DCC: variants seen among roughly 807,000 people sequenced by gnomAD.
The protein encoded by DCC is DCC netrin 1 receptor, also known as netrin receptor DCC.
In DCC, 58 loss-of-function variants were observed where a neutral mutation model predicts 172.5. The observed-to-expected ratio is 0.34, with a 90% CI of 0.27 to 0.42. DCC has a LOEUF of 0.42. Among genes scored for constraint, DCC ranks in the 10% least tolerant of loss-of-function variants. The pLI, the probability that DCC is intolerant of heterozygous loss-of-function variation, is 1.00. For synonymous variants in DCC, 709 were observed against 644.5 expected (o/e 1.10, Z -1.52); for missense variants, 1,740 against 1,791.0 (o/e 0.97, Z 0.51).
intron 2 of DCC, among the ~76,000 whole-genome samples, chr18:52,865,108 T>A (rs4940219): frequency 9.2e-5 from 14 of 152,078 alleles, no homozygotes; most frequent in South Asian, 4.2e-4. Flanking sequence ...CTCGTGATCC[T>A]CCCGCCTTGG....
chr18:53,505,372 A>G (rs534710292), intron 27 of DCC: 2 of 152,296 alleles, frequency 1.3e-5, no homozygotes, highest in Non-Finnish European at 2.9e-5. Flanking sequence ...AGTATATAAG[A>G]GTTTAAGGCA....
chr18:52,693,099 T>G (rs2145016208), intron 1 of DCC, among the ~76,000 whole-genome samples: 1 of 152,078 alleles, frequency 6.6e-6, no homozygotes, highest in Non-Finnish European at 1.5e-5. Flanking sequence ...GTCAGATTTC[T>G]TAACGTTAGG....
In DCC at chr18:53,046,668, A is replaced by T. The variant is rs116623540; in HGVS notation, c.986-16637A>T. ...CTACAGTAACACTTGAAGGAATTCC[A>T]CATAACTTGAAAACACAGATTACAG... On this transcript the variant is annotated intron_variant, in intron 5 of 28. Transcript: ENST00000442544. Among the ~76,000 whole-genome samples, 230 of 152,122 alleles carry T rather than the reference A, an allele frequency of 1.5e-3. 2 individuals are homozygous for T. Among genetic ancestry groups the T allele is most frequent in the African/African-American group, 4.9e-3 (202 of 41,566 alleles).
At chr18:52,803,885 C>T (rs963279999) in intron 2 of DCC, among the ~76,000 whole-genome samples, 16 of 152,236 alleles carry the variant, frequency 1.1e-4, no homozygotes, top group Middle Eastern at 6.8e-3. Flanking sequence ...CAAAACAACA[C>T]GATGAAATAG....
chr18:53,411,710 C>T (rs1314371762), intron 20 of DCC, among the ~76,000 whole-genome samples: 1 of 152,102 alleles, frequency 6.6e-6, no homozygotes, highest in African/African-American at 2.4e-5. Context: ...GCCAACAACA[C>T]ACAAGCAAGC....
intron 2 of DCC, among the ~76,000 whole-genome samples, chr18:52,883,354 GT>G (rs1568166720): frequency 2.6e-4 from 8 of 30,910 alleles, no homozygotes; most frequent in Non-Finnish European, 5.3e-4. Context: ...TTATTTATGT[GT>G]GTGTGTGTGT....
At chr18:53,090,698 C>CAACAAAA (rs2042990907) in intron 7 of DCC, among the ~76,000 whole-genome samples, 1 of 39,356 alleles carries the variant, frequency 2.5e-5, no homozygotes, top group Non-Finnish European at 5.5e-5. Flanking sequence ...CGTCCCCCAA[C>CAACAAAA]AAAAAAAAAA....
At chr18:52,956,457 C>A (rs1196262520) in intron 5 of DCC, among the ~76,000 whole-genome samples, 1 of 151,970 alleles carries the variant, frequency 6.6e-6, no homozygotes, top group African/African-American at 2.4e-5. Flanking sequence ...TTTACCAATA[C>A]CATACTGTCT....
intron 7 of DCC, among the ~76,000 whole-genome samples, chr18:53,118,567 A>G (rs1397510138): frequency 1.3e-5 from 2 of 151,774 alleles, no homozygotes; most frequent in Admixed American, 1.3e-4. Flanking sequence ...GGAATTACTA[A>G]TTCTGAGTAT....
chr18:53,459,177 A>G lies in DCC; in HGVS notation c.3393-55A>G. Reference sequence around the variant, plus strand: ...TAACTTGAATTGACTGATGAAAGAAAGGAAGTGCCATTGAATAGAGGTTCT... The same window carrying G: ...TAACTTGAATTGACTGATGAAAGAAGGGAAGTGCCATTGAATAGAGGTTCT... On this transcript the variant is annotated intron_variant, in intron 23 of 28. Transcript: ENST00000442544. 7 of 1,332,866 alleles carry G rather than the reference A, an allele frequency of 5.3e-6. No individual in the cohort carries two copies. In the South Asian group the frequency reaches 7.0e-5, roughly 13 times the overall value. 82.6% of individuals were successfully genotyped at this position (1,332,866 alleles called of 1,614,324 possible).
intron 2 of DCC, among the ~76,000 whole-genome samples, chr18:52,818,940 A>G (rs2038353918): frequency 6.6e-6 from 1 of 152,128 alleles, no homozygotes; most frequent in African/African-American, 2.4e-5. Context: ...AATTTTTTGT[A>G]TTTTTCTAAG....
At chr18:52,510,830 A>G (rs1454460824) in intron 1 of DCC, among the ~76,000 whole-genome samples, 1 of 152,110 alleles carries the variant, frequency 6.6e-6, no homozygotes, top group African/African-American at 2.4e-5. Context: ...ATAATCACCT[A>G]TTGTATGTTT....
At chr18:52,826,242 C>G (rs1474355057) in intron 2 of DCC, among the ~76,000 whole-genome samples, 1 of 152,080 alleles carries the variant, frequency 6.6e-6, no homozygotes, top group South Asian at 2.1e-4. Flanking sequence ...TATTTTTCTG[C>G]CCAAAGGATT....
chr18:53,214,201 C>T (rs1322998943), intron 11 of DCC, among the ~76,000 whole-genome samples: 1 of 151,792 alleles, frequency 6.6e-6, no homozygotes, highest in Non-Finnish European at 1.5e-5. Flanking sequence ...GAAAAACAAG[C>T]AGATGAGCAT....
chr18:52,451,524 C>A (rs1365885377), intron 1 of DCC, among the ~76,000 whole-genome samples: 1 of 152,094 alleles, frequency 6.6e-6, no homozygotes, highest in Non-Finnish European at 1.5e-5. Context: ...TGGCCTCAGG[C>A]AATCGGAAAA....
chr18:52,553,956 G>T (rs920662847), intron 1 of DCC, among the ~76,000 whole-genome samples: 4 of 152,084 alleles, frequency 2.6e-5, no homozygotes, highest in African/African-American at 9.7e-5. Context: ...AGGAAATAAT[G>T]CTAGGTTCAA....
intron 9 of DCC, among the ~76,000 whole-genome samples, chr18:53,180,711 T>A (rs900718278): frequency 1.3e-5 from 2 of 152,220 alleles, no homozygotes; most frequent in Non-Finnish European, 2.9e-5. Flanking sequence ...TTGCCCAGAC[T>A]GGAGTGCAGT....
At chr18:52,783,757 G>C (rs929048134) in intron 2 of DCC, among the ~76,000 whole-genome samples, 2 of 151,870 alleles carry the variant, frequency 1.3e-5, no homozygotes, top group African/African-American at 2.4e-5. Context: ...GTAAATACAA[G>C]TAGGTACAAG....
At chr18:52,898,279 G>C (rs1267007418) in intron 2 of DCC, among the ~76,000 whole-genome samples, 1 of 152,096 alleles carries the variant, frequency 6.6e-6, no homozygotes, top group African/African-American at 2.4e-5. Context: ...AGAAGATGTG[G>C]ATCCTGATAG....
Sources: gnomAD v4.1 joint callset for allele counts (sites outside exome capture counted in the v4.1 genomes callset) on GRCh38, gnomAD v4.1.1 for gene constraint, MANE v1.5 for transcripts, NCBI Gene and HGNC (gene_info 2026-07-23, HGNC 2026-07-21) for gene names.